Variants in SACS observed in about 807,000 individuals in gnomAD.
SACS encodes sacsin molecular chaperone.
In SACS, 197 loss-of-function variants were observed where a neutral mutation model predicts 348.0. That is an observed-to-expected ratio of 0.57 (90% CI 0.50 to 0.64). The LOEUF (loss-of-function observed/expected upper bound fraction) is 0.64. SACS is among the 30% of genes least tolerant of loss of function. SACS has a pLI of 0.00. For synonymous variants in SACS, 1,985 were observed against 1,910.6 expected (o/e 1.04, Z -1.02); for missense variants, 4,999 against 5,360.8 (o/e 0.93, Z 2.11).
At chr13:23,407,222 G>A (rs1028267654) in intron 2 of SACS, among the ~76,000 whole-genome samples, 4 of 152,152 alleles carry the variant, frequency 2.6e-5, no homozygotes, top group East Asian at 1.9e-4. Flanking sequence ...TTTTCAAGAC[G>A]GAGTCTTGCT....
chr13:23,382,743 CAT>C (rs1230013102), intron 2 of SACS, among the ~76,000 whole-genome samples: 1 of 150,582 alleles, frequency 6.6e-6, no homozygotes, highest in African/African-American at 2.4e-5. Flanking sequence ...GGCAGAGAGA[CAT>C]ATTCTTTGTG....
At position 23,354,535 on chromosome 13, in the gene SACS, A is replaced by G; in HGVS notation, c.2077T>C (p.Ser693Pro). Residue 693 changes from serine to proline, a missense_variant, in exon 8 of 10, where the codon TCA (serine) becomes CCA (proline). Ser to Pro is a moderately conservative substitution (Grantham distance 74). Coordinates refer to ENST00000382292, the MANE Select transcript of SACS (RefSeq NM_014363.6). ...VSDQDVIYIT[S>P]AEYPRSLFPS... ...GACCCCTACCTTGGATATTCTGCTG[A>G]GGTAATATAAATGACATCTTGGTCT... 6.2e-7 allele frequency: 1 copy of G among 1,614,124 alleles called. No individual in the cohort carries two copies. The highest frequency in any genetic ancestry group is 8.5e-7 in the Non-Finnish European group (1 of 1,179,974).
chr13:23,338,043 C>T lies in SACS; in HGVS notation c.5833G>A (p.Val1945Ile), dbSNP rs569026597. Residue 1945 changes from valine (V) to isoleucine (I), a missense_variant, in exon 10 of 10, where the codon GTA becomes ATA. Physicochemically the swap from Val to Ile is conservative, Grantham distance 29. This residue lies in a region of SACS where 3,156 missense variants were observed against 3,380.1 expected (regional missense o/e 0.93). Coordinates refer to ENST00000382292, the MANE Select transcript of SACS (RefSeq NM_014363.6). ...GELMDYTYYA[V>I]WPDPDLVHDD... ...TGAACTAAATCAGGATCGGGCCATACTGCATAGTAAGTATAATCCATTAGC... is the reference window on the plus strand; with the variant it reads ...TGAACTAAATCAGGATCGGGCCATATTGCATAGTAAGTATAATCCATTAGC... 3 of 1,613,802 alleles carry T rather than the reference C, an allele frequency of 1.9e-6. No individual in the cohort carries two copies. The highest frequency in any genetic ancestry group is 2.5e-6 in the Non-Finnish European group (3 of 1,179,876).
At chr13:23,405,542 A>G (rs373314841) in intron 2 of SACS, among the ~76,000 whole-genome samples, 13 of 152,220 alleles carry the variant, frequency 8.5e-5, no homozygotes, top group African/African-American at 3.1e-4. Context: ...ATCGAAGCCA[A>G]AATTGACAAA....
At chr13:23,388,737 G>A (rs1872408544) in intron 2 of SACS, among the ~76,000 whole-genome samples, 1 of 150,844 alleles carries the variant, frequency 6.6e-6, no homozygotes, top group South Asian at 2.1e-4. Context: ...GAAGCAGGGA[G>A]GGTGGGAGGG....
intron 2 of SACS, among the ~76,000 whole-genome samples, chr13:23,397,185 T>A (rs1872742410): frequency 6.6e-6 from 1 of 152,138 alleles, no homozygotes; most frequent in Non-Finnish European, 1.5e-5. Context: ...AAAATTATAA[T>A]CCATATTTGT....
chr13:23,409,334 G>A lies in SACS; in HGVS notation c.20+1886C>T, dbSNP rs146281812. Among the ~76,000 whole-genome samples the A allele has an allele frequency of 6.5e-3, 959 of 146,534 alleles. 10 individuals carry two copies. The highest frequency in any genetic ancestry group is 0.045 in the Middle Eastern group (12 of 266). On this transcript the variant is annotated intron_variant, in intron 2 of 9. Transcript: ENST00000382292. Reference sequence around the variant, plus strand: ...CCTCCCAAAGTGCTGGGATTACAGGGGTGAGCCACCGCGCTGGCCGTTTTT... The same window carrying A: ...CCTCCCAAAGTGCTGGGATTACAGGAGTGAGCCACCGCGCTGGCCGTTTTT...
rs763748966 is a variant in SACS at position 23,336,988 on chromosome 13, T to C, written c.6888A>G (p.Gln2296=). Residue 2296 remains glutamine (Q), a synonymous_variant, in exon 10 of 10, where the codon CAA becomes CAG. Coordinates refer to ENST00000382292, the MANE Select transcript of SACS (RefSeq NM_014363.6). The stretch of plus-strand genomic sequence containing the variant: ...CAACTGATTTTGCTACTTCTTTCAA[T>C]TGGTTTATAACCAGATCAACTGTTG... The part of the protein sequence containing the change: ...KKPTVDLVIN[Q]LKEVAKSVDD... The C allele has an allele frequency of 3.1e-6, 5 of 1,614,028 alleles. No individual in the cohort carries two copies. Among genetic ancestry groups the C allele is most frequent in the African/African-American group, 2.7e-5 (2 of 75,064 alleles).
Position 23,343,713 on chromosome 13 carries a change from T to A in SACS, c.2186-2023A>T, listed in dbSNP as rs1869420903. Among the ~76,000 whole-genome samples the A allele has an allele frequency of 3.9e-5, 6 of 151,954 alleles. No individual in the cohort carries two copies. In the South Asian group the frequency reaches 1.2e-3, roughly 32 times the overall value. ...AAATAAATAAATAAAAAGAGCAAGT[T>A]TGGAAAATATTATAAGAGGAATCCC... is the stretch of plus-strand genomic sequence containing the variant. On this transcript the variant is annotated intron_variant, in intron 9 of 9. Coordinates refer to ENST00000382292, the MANE Select transcript of SACS (RefSeq NM_014363.6).
chr13:23,383,079 G>A (rs1872134426), intron 2 of SACS, among the ~76,000 whole-genome samples: 1 of 150,994 alleles, frequency 6.6e-6, no homozygotes, highest in African/African-American at 2.4e-5. Context: ...TGGGTTTTAA[G>A]CCTTTGTCAC....
chr13:23,375,826 A>T (rs1192485799), intron 2 of SACS, among the ~76,000 whole-genome samples: 2 of 151,974 alleles, frequency 1.3e-5, no homozygotes, highest in Non-Finnish European at 2.9e-5. Flanking sequence ...CAAACCCAAT[A>T]AGGGTATACA....
intron 4 of SACS, 108 bp from the exon 5 acceptor site, chr13:23,368,595 C>T (rs1179937338): frequency 1.3e-5 from 10 of 780,084 alleles, no homozygotes; most frequent in Admixed American, 2.0e-5. Context: ...GTTATGGTTG[C>T]ATATATCTCA....
intron 1 of SACS, among the ~76,000 whole-genome samples, chr13:23,423,788 T>C (rs1874051633): frequency 6.6e-6 from 1 of 152,220 alleles, no homozygotes; most frequent in Non-Finnish European, 1.5e-5. Context: ...CCTTAATAAC[T>C]AAAAGCAAGC....
At chr13:23,356,469 A>C (rs1411455748) in intron 7 of SACS, among the ~76,000 whole-genome samples, 1 of 152,244 alleles carries the variant, frequency 6.6e-6, no homozygotes, top group Admixed American at 6.5e-5. Flanking sequence ...CCTGAAGCTC[A>C]TGAGGTACAT....
In SACS at chr13:23,375,278, AGCAGAGGGACGCTCAGTCGGGCTGCGGCT is replaced by A; in HGVS notation, c.21-38_21-10del. The A allele has an allele frequency of 6.9e-7, 1 of 1,446,306 alleles. No individual in the cohort carries two copies. The highest frequency in any genetic ancestry group is 9.2e-7 in the Non-Finnish European group (1 of 1,092,632). 89.6% of individuals were successfully genotyped at this position (1,446,306 alleles called of 1,614,324 possible). A position where few individuals can be genotyped will look rare whatever the true frequency, so the allele number is the denominator to read the frequency against. On this transcript the variant is annotated splice_polypyrimidine_tract_variant and intron_variant, in intron 2 of 9. Coordinates refer to ENST00000382292, the MANE Select transcript of SACS (RefSeq NM_014363.6). ...CGGTCACCGGGACCCACCTGTGGAA[AGCAGAGGGACGCTCAGTCGGGCTGCGGCT>A]GCCACCCGCCCGCCCAGCGCCCGCG...
At chr13:23,395,478 T>A (rs1872679331) in intron 2 of SACS, among the ~76,000 whole-genome samples, 1 of 152,174 alleles carries the variant, frequency 6.6e-6, no homozygotes, top group African/African-American at 2.4e-5. Flanking sequence ...TGATCTTCCC[T>A]TCAGTTCCTT....
chr13:23,341,777 G>GTTAT, intron 9 of SACS, 87 bp from the exon 10 acceptor site: 1 of 616,912 alleles, frequency 1.6e-6, no homozygotes, highest in South Asian at 2.3e-5. Context: ...GTACTGGAAG[G>GTTAT]TTCTTTTTTT....
At chr13:23,349,528 C>A (rs1350236805) in intron 9 of SACS, among the ~76,000 whole-genome samples, 1 of 152,182 alleles carries the variant, frequency 6.6e-6, no homozygotes, top group African/African-American at 2.4e-5. Context: ...ATTCATCATT[C>A]GATCTTCAGC....
chr13:23,402,740 C>T (rs960072131), intron 2 of SACS, among the ~76,000 whole-genome samples: 2 of 152,136 alleles, frequency 1.3e-5, no homozygotes, highest in East Asian at 3.8e-4. Context: ...CCCAGCCTTC[C>T]AGAAGAGTAA....
Sources: allele counts gnomAD v4.1 joint callset (sites outside exome capture counted in the v4.1 genomes callset), GRCh38; gene constraint gnomAD v4.1.1; regional missense constraint gnomAD v4.1.1; transcripts MANE v1.5; gene names NCBI Gene and HGNC (gene_info 2026-07-23, HGNC 2026-07-21).